The following C10orf105 variants were observed in gnomAD, a reference collection of about 807,000 sequenced individuals.
The protein encoded by C10orf105 is chromosome 10 open reading frame 105, also known as uncharacterized protein C10orf105.
A neutral mutation model predicts 0.6 loss-of-function variants in C10orf105; 2 were observed. That is an observed-to-expected ratio of 3.18 (90% confidence interval 1.30 to 10.01). The LOEUF is 10.01. Ranked by LOEUF, C10orf105 falls within the 30% of genes most tolerant of loss-of-function variation. The pLI is 0.04. For synonymous variants in C10orf105, 95 were observed against 82.4 expected, an observed-to-expected ratio of 1.15 and a Z score of -0.83; for missense variants, 209 against 191.4, an observed-to-expected ratio of 1.09 and a Z score of -0.54.
At chr10:71,723,833 G>A (rs192036680), upstream of C10orf105, among the ~76,000 whole-genome samples, 21 of 152,280 alleles carry the variant, frequency 1.4e-4, no homozygotes, top group African/African-American at 4.8e-4. Context: ...TCCTGGACAG[G>A]GCTGCAGGGG....
intron 1 of C10orf105, among the ~76,000 whole-genome samples, chr10:71,730,008 G>A (rs934576543): frequency 6.6e-6 from 1 of 151,890 alleles, no homozygotes; most frequent in Non-Finnish European, 1.5e-5. Context: ...CTAATTTTTT[G>A]TATTTTTAGT....
rs776158881 is a variant in C10orf105, at chr10:71,730,584, A to G, written c.-6+7144T>C. 15 of 1,613,792 alleles carry G rather than the reference A, an allele frequency of 9.3e-6. 1 individual carries two copies. In the East Asian group the frequency reaches 3.1e-4, roughly 34 times the overall value. On this transcript the variant is annotated intron_variant, in intron 1 of 1. Transcript: ENST00000398786. ...ATTGGAACGTCAGTCATCGTGGTCCAAGCCACAGACCGAGACTCTGGTGAG... is the reference window on the plus strand; with the variant it reads ...ATTGGAACGTCAGTCATCGTGGTCCGAGCCACAGACCGAGACTCTGGTGAG...
At chr10:71,717,268 G>T (rs138750640) in intron 1 of C10orf105, 1 of 152,102 alleles carries the variant, frequency 6.6e-6, no homozygotes, top group Non-Finnish European at 1.5e-5. Flanking sequence ...TTGGTGGTGG[G>T]AAGGCCAAGG....
chr10:71,723,592 C>T (rs548888796), upstream of C10orf105, among the ~76,000 whole-genome samples: 1 of 152,156 alleles, frequency 6.6e-6, no homozygotes, highest in Admixed American at 6.5e-5. Context: ...ACAGTGCCGG[C>T]TGGGACCCAG....
rs955110670 is a variant in C10orf105, at chr10:71,715,210, C to G, written c.*726G>C. On this transcript the variant is annotated 3_prime_UTR_variant, in exon 2 of 2. Transcript: ENST00000441508. ...TTGCCACTCTGTCACAGCACCCGCC[C>G]TGGCCTCTGAAGGGAGCCTCCTCGA... The G allele has an allele frequency of 2.0e-5, 3 of 152,462 alleles. No individual in the cohort carries two copies. Among genetic ancestry groups the G allele is most frequent in the Non-Finnish European group, 4.4e-5 (3 of 68,226 alleles). 9.4% of individuals were successfully genotyped at this position (152,462 alleles called of 1,614,324 possible). A position where few individuals can be genotyped will look rare whatever the true frequency, so the allele number is the denominator to read the frequency against.
At chr10:71,734,249 A>C in intron 1 of C10orf105, 1 of 1,610,166 alleles carries the variant, frequency 6.2e-7, no homozygotes, top group Non-Finnish European at 8.5e-7. Context: ...GGGTGTGATC[A>C]CAGTCCAGGG....
At chr10:71,734,417 C>A (rs1433111815) in intron 1 of C10orf105, 5 of 1,504,862 alleles carry the variant, frequency 3.3e-6, no homozygotes, top group Non-Finnish European at 4.5e-6. Flanking sequence ...CATGTCCTCG[C>A]CAGCCACCCA....
chr10:71,736,289 C>A (rs1010131582), intron 1 of C10orf105, among the ~76,000 whole-genome samples: 3 of 152,216 alleles, frequency 2.0e-5, no homozygotes, highest in African/African-American at 7.2e-5. Flanking sequence ...CCGGTAGCCC[C>A]AAACACTGTT....
chr10:71,730,137 G>A (rs1456916282), intron 1 of C10orf105, among the ~76,000 whole-genome samples: 9 of 152,090 alleles, frequency 5.9e-5, no homozygotes, highest in Admixed American at 3.3e-4. Flanking sequence ...GCGCCCGGCC[G>A]AATTATTATC....
intron 1 of C10orf105, chr10:71,732,762 C>A: frequency 9.4e-7 from 1 of 1,062,100 alleles, no homozygotes; most frequent in Non-Finnish European, 1.2e-6. Flanking sequence ...TGTTTTCACA[C>A]CCATCACAGA....
At position 71,735,353 on chromosome 10, in the gene C10orf105, G is replaced by A. The variant is rs1437533810; in HGVS notation, c.-6+2375C>T. Among the ~76,000 whole-genome samples, 3 of 152,182 alleles carry A rather than the reference G, an allele frequency of 2.0e-5. No homozygotes were observed. The East Asian group carries it at 5.8e-4, about 29-fold the overall frequency. On this transcript the variant is annotated intron_variant, in intron 1 of 1. Coordinates refer to the C10orf105 transcript ENST00000398786. The stretch of plus-strand genomic sequence containing the variant: ...CCCCTGGGGGAGGGGGGCCCACTGA[G>A]GTCAGAAGAGCCAGACAACGTTCCT...
chr10:71,730,937 C>G (rs575672493), intron 1 of C10orf105, among the ~76,000 whole-genome samples: 3 of 152,314 alleles, frequency 2.0e-5, no homozygotes, highest in Non-Finnish European at 2.9e-5. Flanking sequence ...TAAAGAGGAC[C>G]GGTCAGAAAG....
chr10:71,737,560 TC>T, intron 1 of C10orf105, among the ~76,000 whole-genome samples: 1 of 152,214 alleles, frequency 6.6e-6, no homozygotes, highest in Admixed American at 6.5e-5. Context: ...TCCCCATGAG[TC>T]CTGTGCAGAG....
chr10:71,732,422 C>T (rs1839423177), intron 1 of C10orf105: 1 of 1,549,684 alleles, frequency 6.5e-7, no homozygotes, highest in South Asian at 1.2e-5. Flanking sequence ...ATCTAACCAA[C>T]ATTGGTTGAG....
At chr10:71,733,448 A>T (rs1324283750) in intron 1 of C10orf105, among the ~76,000 whole-genome samples, 1 of 152,192 alleles carries the variant, frequency 6.6e-6, no homozygotes, top group Non-Finnish European at 1.5e-5. Flanking sequence ...GAACATTTCA[A>T]GCTGTTTATC....
chr10:71,721,326 C>T (rs57854631), upstream of C10orf105, among the ~76,000 whole-genome samples: 2,708 of 152,240 alleles, frequency 0.018, 82 homozygotes, highest in African/African-American at 0.062. Context: ...TCCAGCCATC[C>T]CCAGCTCTGG....
rs1272237279 is a variant in C10orf105, at chr10:71,716,006, G to C, written c.332C>G (p.Pro111Arg). ...CTCGGGGCCCGGCAGGGGCTGTCGAGGGACGGTGGGCCGGCCATGGCGGAA... is the reference window on the plus strand; with the variant it reads ...CTCGGGGCCCGGCAGGGGCTGTCGACGGACGGTGGGCCGGCCATGGCGGAA... ...HSFRHGRPTV[P>R]RQPLPGPEDN... is the part of the protein sequence containing the mutation. The change falls in exon 2 of 2, where the codon CCT becomes CGT. Residue 111 changes from proline to arginine, a missense_variant. Physicochemically the swap from Pro to Arg is moderately radical, Grantham distance 103 (BLOSUM62 -2). Coordinates refer to ENST00000441508, the MANE Select transcript of C10orf105 (RefSeq NM_001164375.3). 6.7e-7 allele frequency: 1 copy of C among 1,500,736 alleles called. No homozygotes were observed. Among genetic ancestry groups the C allele is most frequent in the South Asian group, 1.3e-5 (1 of 75,722 alleles). The allele number at this position is 1,500,736 out of a possible 1,614,324, so 93.0% of individuals were successfully genotyped here. A position where few individuals can be genotyped will look rare whatever the true frequency, so the allele number is the denominator to read the frequency against.
At position 71,714,261 on chromosome 10, in the gene C10orf105, C is replaced by G. The variant is rs1433576632; in HGVS notation, c.*1675G>C. ...AGGGAAGATGAGGCTCTGTGTTATG[C>G]CAGCTTCCACCAAGACTCCTGCCTC... On this transcript the variant is annotated 3_prime_UTR_variant, in exon 2 of 2. Transcript: ENST00000441508. 8 of 152,126 alleles carry G rather than the reference C, an allele frequency of 5.3e-5. No homozygotes were observed. The highest frequency in any genetic ancestry group is 1.9e-4 in the African/African-American group (8 of 41,494). The allele number at this position is 152,126 out of a possible 1,614,324, so 9.4% of individuals were successfully genotyped here. A position where few individuals can be genotyped will look rare whatever the true frequency, so the allele number is the denominator to read the frequency against.
chr10:71,731,062 G>A (rs570376432), intron 1 of C10orf105, among the ~76,000 whole-genome samples: 14 of 152,350 alleles, frequency 9.2e-5, no homozygotes, highest in South Asian at 2.1e-4. Flanking sequence ...TTCCTGTGCC[G>A]CAGGGCAGTA....
Sources: allele counts gnomAD v4.1 joint callset (sites outside exome capture counted in the v4.1 genomes callset), GRCh38; gene constraint gnomAD v4.1.1; transcripts MANE v1.5; gene names NCBI Gene and HGNC (gene_info 2026-07-23, HGNC 2026-07-21).